The following CNTN4 variants were observed in gnomAD, a reference collection of about 807,000 sequenced individuals.
The protein encoded by CNTN4 is contactin 4, also known as contactin-4.
CNTN4 carries 77 observed loss-of-function variants against 122.5 expected under a neutral mutation model. That is an observed-to-expected ratio of 0.63 (90% CI 0.52 to 0.76). CNTN4 has a LOEUF of 0.76. Ranked by LOEUF, CNTN4 falls within the 30% of genes least tolerant of loss-of-function variation. CNTN4 has a pLI of 0.00. For synonymous variants in CNTN4, 512 were observed against 447.0 expected (o/e 1.15, Z -1.83); for missense variants, 1,256 against 1,259.1 (o/e 1.00, Z 0.04).
chr3:2,441,001 GTA>G (rs935767894), intron 3 of CNTN4, among the ~76,000 whole-genome samples: 1 of 150,278 alleles, frequency 6.7e-6, no homozygotes, highest in Non-Finnish European at 1.5e-5. Flanking sequence ...GTATATGTGT[GTA>G]TATATATATA....
chr3:2,364,596 C>T (rs573595722), intron 3 of CNTN4, among the ~76,000 whole-genome samples: 14 of 151,702 alleles, frequency 9.2e-5, no homozygotes, highest in East Asian at 1.9e-4. Flanking sequence ...GTTGAGTCCC[C>T]GGAGAACAGT....
At chr3:2,600,386 TC>T (rs1407957674) in intron 4 of CNTN4, among the ~76,000 whole-genome samples, 1 of 152,078 alleles carries the variant, frequency 6.6e-6, no homozygotes, top group Non-Finnish European at 1.5e-5. Flanking sequence ...GTGTGTGATG[TC>T]CCCCTTCCTG....
rs553869445 is a variant in CNTN4, at chr3:2,860,173, G to A, written c.455-6579G>A. ...CTTATCTAATCCTTGCCTCATATGGGCACCATTTCATTTCTCCAAAATCAG... is the reference window on the plus strand; with the variant it reads ...CTTATCTAATCCTTGCCTCATATGGACACCATTTCATTTCTCCAAAATCAG... On this transcript the variant is annotated intron_variant, in intron 7 of 24. Transcript: ENST00000418658. Among the ~76,000 whole-genome samples, 24 of 152,282 alleles carry A rather than the reference G, an allele frequency of 1.6e-4. 1 individual carries two copies. In the South Asian group the frequency reaches 4.1e-3, roughly 26 times the overall value.
intron 6 of CNTN4, among the ~76,000 whole-genome samples, chr3:2,754,547 TG>T (rs1256450523): frequency 6.6e-6 from 1 of 152,088 alleles, no homozygotes; most frequent in Non-Finnish European, 1.5e-5. Flanking sequence ...ACACCATTCA[TG>T]CCCTACATCT....
intron 4 of CNTN4, among the ~76,000 whole-genome samples, chr3:2,606,132 G>A (rs1349828436): frequency 2.0e-5 from 3 of 152,120 alleles, no homozygotes; most frequent in Non-Finnish European, 4.4e-5. Flanking sequence ...TTTAAATATC[G>A]AATGGGGGGA....
At chr3:2,657,238 C>T (rs2083633129) in intron 4 of CNTN4, among the ~76,000 whole-genome samples, 2 of 152,140 alleles carry the variant, frequency 1.3e-5, no homozygotes, top group Non-Finnish European at 2.9e-5. Flanking sequence ...AGCTTCGAGG[C>T]ACTTATTGGA....
intron 7 of CNTN4, among the ~76,000 whole-genome samples, chr3:2,835,030 C>G (rs1030147042): frequency 2.7e-5 from 4 of 150,522 alleles, no homozygotes; most frequent in Non-Finnish European, 5.9e-5. Context: ...TCAGCCTTCC[C>G]AGTAGCTGGG....
At chr3:2,533,544 A>T (rs2077681333) in intron 3 of CNTN4, among the ~76,000 whole-genome samples, 1 of 152,154 alleles carries the variant, frequency 6.6e-6, no homozygotes, top group African/African-American at 2.4e-5. Flanking sequence ...ATTGATGGAC[A>T]TTTGGGTTGG....
At chr3:2,125,925 G>GTGTGTGTGTGTA (rs776234872) in intron 2 of CNTN4, among the ~76,000 whole-genome samples, 12 of 148,136 alleles carry the variant, frequency 8.1e-5, no homozygotes, top group Non-Finnish European at 1.6e-4. Flanking sequence ...GTGTGTGTGT[G>GTGTGTGTGTGTA]TGTATGTGTG....
chr3:2,846,821 AC>A (rs1253494284), intron 7 of CNTN4, among the ~76,000 whole-genome samples: 1 of 152,030 alleles, frequency 6.6e-6, no homozygotes, highest in African/African-American at 2.4e-5. Context: ...ACATGGGGAA[AC>A]CCCATCTCTA....
chr3:2,758,787 G>A (rs912834816), intron 6 of CNTN4, among the ~76,000 whole-genome samples: 10 of 151,782 alleles, frequency 6.6e-5, no homozygotes, highest in South Asian at 2.1e-4. Context: ...AATTACAGGC[G>A]GGAGCCACCT....
chr3:3,045,788 G>C, intron 23 of CNTN4, among the ~76,000 whole-genome samples: 1 of 152,232 alleles, frequency 6.6e-6, no homozygotes, highest in Non-Finnish European at 1.5e-5. Flanking sequence ...GAATGACTTT[G>C]ATGAGTTGAG....
intron 2 of CNTN4, among the ~76,000 whole-genome samples, chr3:2,291,047 A>G (rs1304013428): frequency 1.3e-5 from 2 of 152,158 alleles, no homozygotes; most frequent in African/African-American, 2.4e-5. Flanking sequence ...TTTGGTCCTG[A>G]CTTATACTGT....
At chr3:2,768,376 T>C (rs966379728) in intron 6 of CNTN4, among the ~76,000 whole-genome samples, 3 of 152,232 alleles carry the variant, frequency 2.0e-5, no homozygotes, top group African/African-American at 7.2e-5. Context: ...AGCAGGTAGG[T>C]AATCTGACTA....
At chr3:2,348,929 A>T (rs2044504669) in intron 3 of CNTN4, among the ~76,000 whole-genome samples, 1 of 152,190 alleles carries the variant, frequency 6.6e-6, no homozygotes, top group African/African-American at 2.4e-5. Context: ...TAAAATCAGC[A>T]GTTGAAACTA....
At chr3:2,524,623 T>G (rs2077335776) in intron 3 of CNTN4, among the ~76,000 whole-genome samples, 1 of 152,258 alleles carries the variant, frequency 6.6e-6, no homozygotes, top group East Asian at 1.9e-4. Context: ...TTTACTCATT[T>G]GAACAAAGGA....
rs188719860 is a variant in CNTN4, at chr3:2,991,228, C to T, written c.1486+2756C>T. Among the ~76,000 whole-genome samples the T allele has an allele frequency of 1.8e-3, 269 of 152,014 alleles. 1 individual carries two copies. Among genetic ancestry groups the T allele is most frequent in the East Asian group, 3.3e-3 (17 of 5,168 alleles). Reference sequence around the variant, plus strand: ...TGAAATTTCCTAATAGGTGAGAGAACGAGGAGGGACTGAGGTAGGAAGAGC... The same window carrying T: ...TGAAATTTCCTAATAGGTGAGAGAATGAGGAGGGACTGAGGTAGGAAGAGC... On this transcript the variant is annotated intron_variant, in intron 14 of 24. Coordinates refer to ENST00000418658, the MANE Select transcript of CNTN4 (RefSeq NM_175607.3).
intron 4 of CNTN4, among the ~76,000 whole-genome samples, chr3:2,582,004 A>G (rs2149573021): frequency 6.6e-6 from 1 of 152,346 alleles, no homozygotes; most frequent in East Asian, 1.9e-4. Context: ...AGGGAGGATA[A>G]GGAACGACTG....
At chr3:2,299,746 T>A (rs1450610429) in intron 2 of CNTN4, among the ~76,000 whole-genome samples, 1 of 152,160 alleles carries the variant, frequency 6.6e-6, no homozygotes, top group Non-Finnish European at 1.5e-5. Flanking sequence ...CATGATTAAA[T>A]CATTTATGTA....
Sources: allele counts gnomAD v4.1 joint callset (sites outside exome capture counted in the v4.1 genomes callset), GRCh38; gene constraint gnomAD v4.1.1; transcripts MANE v1.5; gene names NCBI Gene and HGNC (gene_info 2026-07-23, HGNC 2026-07-21).